PUM1: variants seen among roughly 807,000 people sequenced by gnomAD.
The protein encoded by PUM1 is pumilio homolog 1.
In PUM1, 13 loss-of-function variants were observed where a neutral mutation model predicts 131.8. The ratio of observed to expected loss-of-function variants is 0.10; its 90% CI spans 0.06 to 0.16. The LOEUF is 0.16. Ranked by LOEUF, PUM1 falls within the 10% of genes least tolerant of loss-of-function variation. The probability of loss-of-function intolerance (pLI) is 1.00; values close to 1 mark genes in which losing one functional copy is unlikely to be tolerated. For missense variants in PUM1, 961 were observed against 1,512.4 expected (o/e 0.64, Z 6.05); for synonymous variants, 509 against 556.5 (o/e 0.91, Z 1.20).
In PUM1 at chr1:30,943,584, C is replaced by T. The variant is rs141499627; in HGVS notation, c.2995-1461G>A. 3.2e-3 allele frequency among the ~76,000 whole-genome samples: 489 copies of T among 152,280 alleles called. 2 individuals are homozygous for T. The highest frequency in any genetic ancestry group is 0.011 in the African/African-American group (468 of 41,554). ...TGACATTTTTAAAAAATGCAATCCC[C>T]TGCTCATGGTCTTCTGGGTTCCTTA... On this transcript the variant is annotated intron_variant, in intron 18 of 21. Transcript: ENST00000426105.
chr1:30,975,899 A>T (rs148898012), intron 9 of PUM1, among the ~76,000 whole-genome samples: 10,885 of 151,888 alleles, frequency 0.072, 640 homozygotes, highest in East Asian at 0.28. Context: ...CCTGGCCAAC[A>T]TGGTGAAACC....
intron 2 of PUM1, chr1:31,055,244 C>T (rs909539078): frequency 7.4e-5 from 32 of 433,644 alleles, no homozygotes; most frequent in South Asian, 5.0e-4. Flanking sequence ...AGCTGCCTAT[C>T]AAGTGGCCTC....
intron 14 of PUM1, among the ~76,000 whole-genome samples, chr1:30,956,991 C>T (rs1051459095): frequency 7.2e-5 from 11 of 151,862 alleles, no homozygotes; most frequent in Admixed American, 5.9e-4. Context: ...ACAGTTAATA[C>T]GCCTACAAAA....
rs11487434 is a variant in PUM1, at chr1:31,023,944, C to A, written c.432+4852G>T. On this transcript the variant is annotated intron_variant, in intron 3 of 21. Transcript: ENST00000426105. ...TGTCTCAAAAAAAAAAAAAAAAAAA[C>A]CCCAATGAAAAGTTACAAAATCTCT... Among the ~76,000 whole-genome samples, 342 of 131,454 alleles carry A rather than the reference C, an allele frequency of 2.6e-3. 1 individual carries two copies. The highest frequency in any genetic ancestry group is 0.016 in the Middle Eastern group (4 of 254). 86.2% of individuals were successfully genotyped at this position (131,454 alleles called of 152,430 possible). A position where few individuals can be genotyped will look rare whatever the true frequency, so the allele number is the denominator to read the frequency against.
At chr1:30,969,002 G>GA (rs1221611496) in intron 10 of PUM1, among the ~76,000 whole-genome samples, 3 of 150,692 alleles carry the variant, frequency 2.0e-5, no homozygotes, top group African/African-American at 4.9e-5. Flanking sequence ...AGTGGGTGAA[G>GA]AAAAAAAAAG....
At chr1:30,960,300 T>C (rs1469165617) in intron 14 of PUM1, among the ~76,000 whole-genome samples, 2 of 152,234 alleles carry the variant, frequency 1.3e-5, no homozygotes, top group African/African-American at 2.4e-5. Context: ...CCTTTGAGCT[T>C]TGTTAACTTT....
intron 3 of PUM1, among the ~76,000 whole-genome samples, chr1:31,007,353 A>C (rs1218185329): frequency 1.3e-5 from 2 of 152,204 alleles, no homozygotes; most frequent in East Asian, 3.8e-4. Context: ...GGCTGAACTT[A>C]AATATCTAGA....
chr1:30,959,031 T>C (rs1488759567), intron 14 of PUM1, among the ~76,000 whole-genome samples: 1 of 152,134 alleles, frequency 6.6e-6, no homozygotes, highest in African/African-American at 2.4e-5. Context: ...TTAGATGAAA[T>C]GGACAAATTC....
At chr1:31,059,816 T>C (rs1644327128) in intron 1 of PUM1, among the ~76,000 whole-genome samples, 1 of 151,616 alleles carries the variant, frequency 6.6e-6, no homozygotes, top group African/African-American at 2.4e-5. Flanking sequence ...TACTTATACC[T>C]CAAACCAACT....
intron 21 of PUM1, among the ~76,000 whole-genome samples, chr1:30,935,346 C>G (rs1042081519): frequency 1.3e-5 from 2 of 152,020 alleles, no homozygotes; most frequent in African/African-American, 4.8e-5. Flanking sequence ...CTCCTCTGTA[C>G]CCACACGTTA....
At position 30,947,865 on chromosome 1, in the gene PUM1, G is replaced by C. The variant is rs1639745461; in HGVS notation, c.2856+2262C>G. The stretch of plus-strand genomic sequence containing the variant: ...CAGTGATTAACCAAGTGTCAGAAGG[G>C]AATAAATTTTTTTTTTTTTTTTTTT... On this transcript the variant is annotated intron_variant, in intron 17 of 21. Coordinates refer to ENST00000426105, the MANE Select transcript of PUM1 (RefSeq NM_001020658.2). Among the ~76,000 whole-genome samples the C allele has an allele frequency of 2.6e-5, 4 of 151,648 alleles. No individual in the cohort carries two copies. In the South Asian group the frequency reaches 8.3e-4, roughly 32 times the overall value.
Position 30,932,329 on chromosome 1 carries a change from A to AG in PUM1, c.*881_*882insC, listed in dbSNP as rs550098088. 21 of 152,650 alleles carry AG rather than the reference A, an allele frequency of 1.4e-4. No homozygotes were observed. The East Asian group carries it at 4.0e-3, about 29-fold the overall frequency. 9.5% of individuals were successfully genotyped at this position (152,650 alleles called of 1,614,324 possible). On this transcript the variant is annotated 3_prime_UTR_variant, in exon 22 of 22. Coordinates refer to ENST00000426105, the MANE Select transcript of PUM1 (RefSeq NM_001020658.2). ...GACATCAAAACAAGAAAATACTACA[A>AG]ATTTGTATATATGCAAAGTCTACAC... is the stretch of plus-strand genomic sequence containing the variant.
intron 2 of PUM1, among the ~76,000 whole-genome samples, chr1:31,034,651 C>G (rs12121704): frequency 1.3e-5 from 2 of 152,206 alleles, no homozygotes; most frequent in Non-Finnish European, 2.9e-5. Context: ...ATTTCTTGCT[C>G]TGAGGTTCAG....
intron 2 of PUM1, among the ~76,000 whole-genome samples, chr1:31,041,864 T>C (rs923594878): frequency 1.3e-5 from 2 of 151,930 alleles, no homozygotes; most frequent in African/African-American, 4.8e-5. Flanking sequence ...ACTAACATAC[T>C]TTTTTTAAAA....
chr1:30,978,540 C>A (rs1444134445), intron 9 of PUM1, among the ~76,000 whole-genome samples: 2 of 152,144 alleles, frequency 1.3e-5, no homozygotes, highest in African/African-American at 4.8e-5. Context: ...CTAAGAAATG[C>A]TAGGCTACAT....
chr1:31,009,349 G>T (rs1328202372), intron 3 of PUM1, among the ~76,000 whole-genome samples: 1 of 152,114 alleles, frequency 6.6e-6, no homozygotes, highest in African/African-American at 2.4e-5. Flanking sequence ...CCTAAGGAGG[G>T]TCTCACTTGT....
intron 18 of PUM1, among the ~76,000 whole-genome samples, chr1:30,943,997 T>C (rs1639566222): frequency 6.6e-6 from 1 of 152,248 alleles, no homozygotes; most frequent in South Asian, 2.1e-4. Context: ...ACATTCTAGT[T>C]ATCAATCCTT....
chr1:30,939,761 G>C (rs1639366819), intron 20 of PUM1, among the ~76,000 whole-genome samples: 1 of 152,162 alleles, frequency 6.6e-6, no homozygotes, highest in Admixed American at 6.5e-5. Flanking sequence ...AGGAGGTTGA[G>C]GTGGGAGGAC....
rs1640841831 is a variant in PUM1 at position 30,970,725 on chromosome 1, C to A, written c.1507-2233G>T. ...GCCAAATACTTAGAATTTACATACCCAATAACTCAGAAGAGATCTCACTCT... is the reference window on the plus strand; with the variant it reads ...GCCAAATACTTAGAATTTACATACCAAATAACTCAGAAGAGATCTCACTCT... On this transcript the variant is annotated intron_variant, in intron 10 of 21. Coordinates refer to ENST00000426105, the MANE Select transcript of PUM1 (RefSeq NM_001020658.2). 5.3e-5 allele frequency among the ~76,000 whole-genome samples: 8 copies of A among 152,026 alleles called. No homozygotes were observed. In the South Asian group the frequency reaches 1.7e-3, roughly 32 times the overall value.
Sources: allele counts gnomAD v4.1 joint callset (sites outside exome capture counted in the v4.1 genomes callset), GRCh38; gene constraint gnomAD v4.1.1; transcripts MANE v1.5; gene names NCBI Gene and HGNC (gene_info 2026-07-23, HGNC 2026-07-21).